The following C4orf51 variants were observed in gnomAD, a reference collection of about 807,000 sequenced individuals.
The protein encoded by C4orf51 is chromosome 4 open reading frame 51, also known as uncharacterized protein C4orf51.
Under a neutral mutation model 25.2 loss-of-function variants are expected in C4orf51, and 25 were observed. That is an observed-to-expected ratio of 0.99 (90% CI 0.72 to 1.39). The LOEUF (loss-of-function observed/expected upper bound fraction) is 1.39, where lower values mean the gene tolerates loss of function less well. Among genes scored for constraint, C4orf51 ranks in the 40% most tolerant of loss-of-function variants. C4orf51 has a pLI of 0.00. For synonymous variants in C4orf51, 100 were observed against 84.5 expected (o/e 1.18, Z -1.01); for missense variants, 252 against 239.6 (o/e 1.05, Z -0.34).
At chr4:145,703,921 G>A (rs1730629136) in intron 2 of C4orf51, among the ~76,000 whole-genome samples, 1 of 152,226 alleles carries the variant, frequency 6.6e-6, no homozygotes, top group African/African-American at 2.4e-5. Context: ...GTGAGGCAGA[G>A]TGATTAATAA....
chr4:145,758,331 G>A (rs898285669), downstream of C4orf51: 5 of 152,112 alleles, frequency 3.3e-5, no homozygotes, highest in South Asian at 2.1e-4. Flanking sequence ...ACCTCCTCTC[G>A]TTCTTGAAAG....
chr4:145,712,310 C>T (rs1012799904), intron 2 of C4orf51, among the ~76,000 whole-genome samples: 2 of 152,162 alleles, frequency 1.3e-5, no homozygotes, highest in African/African-American at 4.8e-5. Context: ...AAAGCCAAGA[C>T]AGATGAAAAG....
At chr4:145,693,038 A>G (rs1289751554) in intron 1 of C4orf51, among the ~76,000 whole-genome samples, 4 of 80,948 alleles carry the variant, frequency 4.9e-5, no homozygotes, top group Non-Finnish European at 7.7e-5. Context: ...TTTTTTTATT[A>G]AATTTATTTT....
Position 145,745,365 on chromosome 4 carries a change from C to A in C4orf51, n.168-8842C>A, listed in dbSNP as rs574611451. 1.3e-4 allele frequency among the ~76,000 whole-genome samples: 19 copies of A among 144,998 alleles called. No homozygotes were observed. The South Asian group carries it at 3.9e-3, about 30-fold the overall frequency. Reference sequence around the variant, plus strand: ...TACCCATTAGCCATTCCCACTTCCCCCTAACCCCCTAGAACCCTTCCCAGA... The same window carrying A: ...TACCCATTAGCCATTCCCACTTCCCACTAACCCCCTAGAACCCTTCCCAGA... On this transcript the variant is annotated intron_variant and non_coding_transcript_variant, in intron 1 of 1. Transcript: ENST00000508981.
rs1005941903 is a variant in C4orf51, at chr4:145,762,582, G to A, written n.167-8406G>A. Among the ~76,000 whole-genome samples, 9 of 152,264 alleles carry A rather than the reference G, an allele frequency of 5.9e-5. No individual in the cohort carries two copies. Among genetic ancestry groups the A allele is most frequent in the Middle Eastern group, 6.8e-3 (2 of 294 alleles). ...TTAGGTAGATTCTGGAAGGGCGGAT[G>A]CTGGTCCCAGCTCCATCACCTTGTC... On this transcript the variant is annotated intron_variant and non_coding_transcript_variant, in intron 1 of 1. Coordinates refer to the C4orf51 transcript ENST00000510096. This position sits in a 1 kb window ranked among gnomAD's most constrained non-coding sequence, Gnocchi z 4.9.
chr4:145,715,664 A>G (rs1731371857), intron 2 of C4orf51, among the ~76,000 whole-genome samples: 2 of 152,152 alleles, frequency 1.3e-5, no homozygotes, highest in Non-Finnish European at 2.9e-5. Flanking sequence ...CAATCCGTCC[A>G]TGGGGAAATG....
chr4:145,680,226 C>T lies in C4orf51; in HGVS notation c.23C>T (p.Thr8Ile). 6.2e-7 allele frequency: 1 copy of T among 1,613,700 alleles called. No homozygotes were observed. The highest frequency in any genetic ancestry group is 8.5e-7 in the Non-Finnish European group (1 of 1,179,614). Residue 8 changes from threonine to isoleucine, a missense_variant, in exon 1 of 6, where the codon ACT becomes ATT. Transcript: ENST00000438731. MSHYFYL[T>I]PQILLPFSPL... is the part of the protein sequence containing the mutation. ...GTTATGTCACACTACTTCTACTTGA[C>T]TCCACAAATTCTTCTGCCCTTTAGC...
chr4:145,770,797 A>AT (rs1158534491), intron 1 of C4orf51, among the ~76,000 whole-genome samples: 1 of 152,212 alleles, frequency 6.6e-6, no homozygotes, highest in African/African-American at 2.4e-5. Flanking sequence ...CTAATTGAAT[A>AT]TTTTCCCATG....
chr4:145,684,886 A>T (rs1729050577), intron 1 of C4orf51, among the ~76,000 whole-genome samples: 1 of 152,198 alleles, frequency 6.6e-6, no homozygotes, highest in Non-Finnish European at 1.5e-5. Context: ...ACATTTTCTA[A>T]CAACCAAATA....
chr4:145,701,087 G>A (rs1009137577), intron 2 of C4orf51, among the ~76,000 whole-genome samples: 1 of 152,020 alleles, frequency 6.6e-6, no homozygotes, highest in Non-Finnish European at 1.5e-5. Flanking sequence ...ACGCTTTACA[G>A]CCCTAGACCC....
At chr4:145,705,690 G>A (rs1730764916) in intron 2 of C4orf51, among the ~76,000 whole-genome samples, 1 of 152,180 alleles carries the variant, frequency 6.6e-6, no homozygotes, top group Non-Finnish European at 1.5e-5. Flanking sequence ...GTGTCCCAGT[G>A]ATGAGCAGTC....
rs562645498 is a variant in C4orf51, at chr4:145,716,556, C to G, written c.308-10355C>G. The stretch of plus-strand genomic sequence containing the variant: ...ATTATTTTCCATATAATTTCCGTCT[C>G]TCAGGGTTGAATCTTTGAAGGTTTA... On this transcript the variant is annotated intron_variant, in intron 2 of 5. Transcript: ENST00000438731. 2.1e-4 allele frequency among the ~76,000 whole-genome samples: 32 copies of G among 152,310 alleles called. No individual in the cohort carries two copies. The South Asian group carries it at 6.6e-3, about 32-fold the overall frequency.
At chr4:145,743,680 T>G (rs1171318373) in intron 1 of C4orf51, among the ~76,000 whole-genome samples, 1 of 152,254 alleles carries the variant, frequency 6.6e-6, no homozygotes, top group East Asian at 1.9e-4. Flanking sequence ...AATTTTTTGT[T>G]AGCTCTTACT....
chr4:145,699,977 C>T (rs549277099), intron 2 of C4orf51, among the ~76,000 whole-genome samples: 1 of 152,250 alleles, frequency 6.6e-6, no homozygotes, highest in African/African-American at 2.4e-5. Flanking sequence ...CCCTTGGTGG[C>T]AAGTCCCTCT....
At chr4:145,771,994 A>G (rs1173577170), downstream of C4orf51, among the ~76,000 whole-genome samples, 2 of 152,212 alleles carry the variant, frequency 1.3e-5, no homozygotes, top group Non-Finnish European at 2.9e-5. Context: ...CTGAGGTCCT[A>G]CATTCACAAT....
At chr4:145,767,308 G>C (rs1735448494) in intron 1 of C4orf51, among the ~76,000 whole-genome samples, 1 of 152,182 alleles carries the variant, frequency 6.6e-6, no homozygotes, top group Non-Finnish European at 1.5e-5. Flanking sequence ...GAGTAAACCT[G>C]AAGATAATAG....
At chr4:145,753,885 C>T (rs1733810374) in intron 1 of C4orf51, among the ~76,000 whole-genome samples, 1 of 152,174 alleles carries the variant, frequency 6.6e-6, no homozygotes, top group Non-Finnish European at 1.5e-5. Context: ...AATAACACAC[C>T]CCCAATATGG....
chr4:145,774,422 T>C (rs984941031), downstream of C4orf51: 17 of 1,455,246 alleles, frequency 1.2e-5, no homozygotes, highest in African/African-American at 1.8e-4. Context: ...CTCAGGGCAG[T>C]GGGGATGCTT....
intron 1 of C4orf51, among the ~76,000 whole-genome samples, chr4:145,742,516 G>A (rs944709958): frequency 3.4e-5 from 5 of 148,228 alleles, no homozygotes; most frequent in East Asian, 4.0e-4. Flanking sequence ...CTACACGACA[G>A]CATTTTCTTT....
Sources: allele counts gnomAD v4.1 joint callset (sites outside exome capture counted in the v4.1 genomes callset), GRCh38; gene constraint gnomAD v4.1.1; non-coding constraint Gnocchi (gnomAD v3.1); transcripts MANE v1.5; gene names NCBI Gene and HGNC (gene_info 2026-07-23, HGNC 2026-07-21).